TMEM245: variants seen among roughly 807,000 people sequenced by gnomAD.
TMEM245 encodes protein CG-2.
Under a neutral mutation model 101.2 loss-of-function variants are expected in TMEM245, and 69 were observed. The observed-to-expected ratio is 0.68, with a 90% confidence interval of 0.56 to 0.83. TMEM245 has a LOEUF of 0.83. TMEM245 is among the 40% of genes least tolerant of loss of function. The pLI is 0.00. For missense variants in TMEM245, 1,075 were observed against 1,092.8 expected, an observed-to-expected ratio of 0.98 and a Z score of 0.23; for synonymous variants, 537 against 449.8, an observed-to-expected ratio of 1.19 and a Z score of -2.45.
chr9:109,050,149 T>A (rs13295587), intron 14 of TMEM245, 134 bp downstream of exon 14: 2 of 1,039,412 alleles, frequency 1.9e-6, no homozygotes, highest in Admixed American at 5.4e-5. Context: ...CAAAATGAGA[T>A]GAAAACCTTG....
intron 1 of TMEM245, among the ~76,000 whole-genome samples, chr9:109,113,286 T>C (rs1830618804): frequency 6.6e-6 from 1 of 152,246 alleles, no homozygotes; most frequent in South Asian, 2.1e-4. Flanking sequence ...CTTAGGAGTT[T>C]TTTAATTCTT....
chr9:109,022,552 A>G lies in TMEM245; in HGVS notation c.2595-2047T>C, dbSNP rs574759164. ...TCTTGAAATTTTTCTGCATTATAAG[A>G]TGTTTTGCAGCATCCCCGGCCTCTA... On this transcript the variant is annotated intron_variant, in intron 17 of 17. Coordinates refer to ENST00000374586, the MANE Select transcript of TMEM245 (RefSeq NM_032012.4). 2.6e-5 allele frequency among the ~76,000 whole-genome samples: 4 copies of G among 152,124 alleles called. 1 individual carries two copies. Among genetic ancestry groups the G allele is most frequent in the South Asian group, 2.1e-4 (1 of 4,824 alleles).
At chr9:109,085,075 T>C (rs1829792166) in intron 7 of TMEM245, among the ~76,000 whole-genome samples, 1 of 152,248 alleles carries the variant, frequency 6.6e-6, no homozygotes, top group Non-Finnish European at 1.5e-5. Flanking sequence ...ATAAATGATG[T>C]CATCTCTTGC....
intron 3 of TMEM245, among the ~76,000 whole-genome samples, chr9:109,093,945 C>A (rs1830073104): frequency 1.3e-5 from 2 of 152,230 alleles, no homozygotes; most frequent in Admixed American, 6.5e-5. Flanking sequence ...GCTCCCTGAT[C>A]TGACTGTCTT....
chr9:109,063,264 C>T (rs896224983), intron 10 of TMEM245, among the ~76,000 whole-genome samples: 6 of 151,992 alleles, frequency 3.9e-5, no homozygotes, highest in African/African-American at 1.2e-4. Flanking sequence ...GGATTACAGG[C>T]GTGCGCAACC....
At chr9:109,086,974 A>G (rs950633952) in intron 6 of TMEM245, among the ~76,000 whole-genome samples, 199 bp downstream of exon 6, 1 of 152,216 alleles carries the variant, frequency 6.6e-6, no homozygotes, top group African/African-American at 2.4e-5. Context: ...TGAGGAAAAA[A>G]TACTTACACA....
chr9:109,026,875 C>T (rs1173705354), intron 17 of TMEM245, among the ~76,000 whole-genome samples: 1 of 152,020 alleles, frequency 6.6e-6, no homozygotes, highest in African/African-American at 2.4e-5. Context: ...TGCTTCCTCT[C>T]TCTCTCTCCA....
At chr9:109,041,281 C>T (rs1253454902) in intron 14 of TMEM245, among the ~76,000 whole-genome samples, 1 of 152,040 alleles carries the variant, frequency 6.6e-6, no homozygotes, top group Non-Finnish European at 1.5e-5. Context: ...AAATACTATT[C>T]AGCCCCCCCA....
intron 8 of TMEM245, 112 bp downstream of exon 8, chr9:109,080,727 T>A (rs949921312): frequency 1.5e-6 from 1 of 684,566 alleles, no homozygotes; most frequent in African/African-American, 1.8e-5. Flanking sequence ...CTATTGTACA[T>A]ACTTTTAAAT....
chr9:109,043,611 A>AATTCACAG (rs2307737), intron 14 of TMEM245, among the ~76,000 whole-genome samples: 141,451 of 151,936 alleles, frequency 0.93, 65,936 homozygotes, highest in East Asian at 1. Context: ...ATGAGAATCA[A>AATTCACAG]ACTCTGGAGG....
chr9:109,105,478 C>A (rs557100744), intron 3 of TMEM245, among the ~76,000 whole-genome samples: 3 of 152,192 alleles, frequency 2.0e-5, no homozygotes, highest in African/African-American at 7.2e-5. Context: ...AATTACCATA[C>A]GACCCAGTAA....
Position 109,016,582 on chromosome 9 carries a change from G to C in TMEM245, c.*3878C>G, listed in dbSNP as rs1035249978. 6.6e-6 allele frequency: 1 copy of C among 150,948 alleles called. No homozygotes were observed. The highest frequency in any genetic ancestry group is 2.1e-4 in the South Asian group (1 of 4,782). 9.4% of individuals were successfully genotyped at this position (150,948 alleles called of 1,614,324 possible). On this transcript the variant is annotated 3_prime_UTR_variant, in exon 18 of 18. Transcript: ENST00000374586. ...TTCTAGCACAGAATTTCTGACTCTA[G>C]TAGACAGAACAACTTGATTTATAAT... is the stretch of plus-strand genomic sequence containing the variant.
At chr9:109,024,392 T>C (rs1827733565) in intron 17 of TMEM245, among the ~76,000 whole-genome samples, 1 of 152,202 alleles carries the variant, frequency 6.6e-6, no homozygotes, top group South Asian at 2.1e-4. Flanking sequence ...ATCCACAAAT[T>C]CACCAAATCT....
chr9:109,037,791 T>C (rs1042345406), intron 15 of TMEM245, among the ~76,000 whole-genome samples: 1 of 152,184 alleles, frequency 6.6e-6, no homozygotes, highest in Non-Finnish European at 1.5e-5. Context: ...AACAGACTAA[T>C]ACAGCAATTT....
chr9:109,026,690 A>G lies in TMEM245; in HGVS notation c.2595-6185T>C, dbSNP rs1230214604. Reference sequence around the variant, plus strand: ...AGAGTTTGGCTGTCTGTCCCCTGCAAATCTTATGTTAAAATGTGATCCCTA... The same window carrying G: ...AGAGTTTGGCTGTCTGTCCCCTGCAGATCTTATGTTAAAATGTGATCCCTA... On this transcript the variant is annotated intron_variant, in intron 17 of 17. Transcript: ENST00000374586. Among the ~76,000 whole-genome samples the G allele has an allele frequency of 1.4e-4, 21 of 150,676 alleles. No homozygotes were observed. In the Admixed American group the frequency reaches 1.4e-3, roughly 10 times the overall value.
At chr9:109,049,827 C>T (rs1588034004) in intron 14 of TMEM245, among the ~76,000 whole-genome samples, 1 of 152,228 alleles carries the variant, frequency 6.6e-6, no homozygotes, top group African/African-American at 2.4e-5. Context: ...CAGGATCTTG[C>T]TCTGTCACCA....
chr9:109,070,712 TA>T (rs1385018878), intron 9 of TMEM245, among the ~76,000 whole-genome samples: 2 of 152,184 alleles, frequency 1.3e-5, no homozygotes, highest in African/African-American at 2.4e-5. Context: ...CTATCACTCC[TA>T]AAAATTTCCT....
chr9:109,023,353 G>T (rs1340392779), intron 17 of TMEM245, among the ~76,000 whole-genome samples: 1 of 152,138 alleles, frequency 6.6e-6, no homozygotes, highest in Non-Finnish European at 1.5e-5. Context: ...TATTCCAGAG[G>T]CATAGCTCTA....
intron 14 of TMEM245, among the ~76,000 whole-genome samples, chr9:109,040,102 G>C (rs1828259193): frequency 6.6e-6 from 1 of 152,160 alleles, no homozygotes; most frequent in Non-Finnish European, 1.5e-5. Context: ...TTGGTTGCTG[G>C]TAATGTTCTC....
Sources: gnomAD v4.1 joint callset for allele counts (sites outside exome capture counted in the v4.1 genomes callset) on GRCh38, gnomAD v4.1.1 for gene constraint, MANE v1.5 for transcripts, NCBI Gene and HGNC (gene_info 2026-07-23, HGNC 2026-07-21) for gene names.